Variants in GLI3 observed in about 807,000 individuals in gnomAD.
GLI3 encodes the protein transcription activator GLI3.
In GLI3, 20 loss-of-function variants were observed where a neutral mutation model predicts 100.8. The observed-to-expected ratio is 0.20, with a 90% CI of 0.14 to 0.29. The LOEUF is 0.29. Among genes scored for constraint, GLI3 ranks in the 10% least tolerant of loss-of-function variants. The pLI, the probability that GLI3 is intolerant of heterozygous loss-of-function variation, is 1.00. For missense variants in GLI3, 2,040 were observed against 2,128.5 expected, an observed-to-expected ratio of 0.96 and a Z score of 0.82; for synonymous variants, 938 against 860.5, an observed-to-expected ratio of 1.09 and a Z score of -1.58.
chr7:42,198,526 A>C (rs964268499), intron 2 of GLI3, among the ~76,000 whole-genome samples: 3 of 152,016 alleles, frequency 2.0e-5, no homozygotes, highest in African/African-American at 4.8e-5. Flanking sequence ...GGACTGCATG[A>C]CTGTACTCAC....
intron 3 of GLI3, among the ~76,000 whole-genome samples, chr7:42,088,534 C>T (rs533586512): frequency 8.5e-4 from 130 of 152,320 alleles, no homozygotes; most frequent in African/African-American, 3.0e-3. Flanking sequence ...TATGGTAATG[C>T]CTTGGATGTC....
intron 2 of GLI3, 52 bp from the exon 3 acceptor site, chr7:42,148,520 TA>T: frequency 1.3e-6 from 2 of 1,533,376 alleles, no homozygotes; most frequent in Non-Finnish European, 1.8e-6. Context: ...AAGGAGCAAT[TA>T]AAAAACCATG....
chr7:42,018,447 T>G (rs1478354054), intron 10 of GLI3, among the ~76,000 whole-genome samples: 1 of 152,192 alleles, frequency 6.6e-6, no homozygotes, highest in African/African-American at 2.4e-5. Context: ...AATGCAACTT[T>G]AGCAAAGGGA....
chr7:42,195,661 T>C (rs1483392522), intron 2 of GLI3, among the ~76,000 whole-genome samples: 2 of 152,208 alleles, frequency 1.3e-5, no homozygotes, highest in East Asian at 1.9e-4. Context: ...TTTATTAGTA[T>C]AGCTTATTTA....
chr7:42,234,571 A>G (rs749684096), intron 1 of GLI3, among the ~76,000 whole-genome samples: 13 of 152,346 alleles, frequency 8.5e-5, no homozygotes, highest in Middle Eastern at 6.8e-3. Context: ...TAGATATACA[A>G]TAGAAATGTG....
At chr7:42,094,970 T>C (rs1367263440) in intron 3 of GLI3, among the ~76,000 whole-genome samples, 1 of 151,944 alleles carries the variant, frequency 6.6e-6, no homozygotes, top group African/African-American at 2.4e-5. Flanking sequence ...GAGGACTAGG[T>C]AGGGGAAGGA....
intron 3 of GLI3, among the ~76,000 whole-genome samples, chr7:42,112,889 A>AG (rs1334846360): frequency 6.6e-6 from 1 of 152,038 alleles, no homozygotes; most frequent in African/African-American, 2.4e-5. Flanking sequence ...ATAAATAAAT[A>AG]GGGCCGGGTG....
intron 10 of GLI3, among the ~76,000 whole-genome samples, chr7:42,018,005 A>C (rs1788817704): frequency 6.6e-6 from 1 of 152,206 alleles, no homozygotes; most frequent in Admixed American, 6.5e-5. Context: ...AATGGTTCTA[A>C]GGAGGTCATC....
At chr7:42,056,503 G>T (rs2128745366) in intron 4 of GLI3, among the ~76,000 whole-genome samples, 1 of 152,284 alleles carries the variant, frequency 6.6e-6, no homozygotes, top group South Asian at 2.1e-4. Context: ...AAAGGTGAGG[G>T]CTAGAATATT....
chr7:42,163,553 C>T (rs368855203), intron 2 of GLI3, among the ~76,000 whole-genome samples: 4 of 151,932 alleles, frequency 2.6e-5, no homozygotes, highest in South Asian at 4.2e-4. Flanking sequence ...CTCAGCCTCC[C>T]GAGTAGCTGG....
chr7:42,055,937 T>C (rs1003225405), intron 4 of GLI3, among the ~76,000 whole-genome samples: 1 of 152,102 alleles, frequency 6.6e-6, no homozygotes, highest in African/African-American at 2.4e-5. Context: ...GGGGGGAACA[T>C]GTGGGAGGTG....
intron 1 of GLI3, among the ~76,000 whole-genome samples, chr7:42,255,584 T>A (rs150619952): frequency 4.6e-5 from 7 of 152,324 alleles, no homozygotes; most frequent in African/African-American, 1.4e-4. Context: ...CATAGTCTTT[T>A]ACATCTGGCT....
chr7:41,969,583 T>A (rs1464404586), intron 13 of GLI3, among the ~76,000 whole-genome samples: 1 of 152,148 alleles, frequency 6.6e-6, no homozygotes, highest in Non-Finnish European at 1.5e-5. Flanking sequence ...CTCAGCAGAG[T>A]GCTGGAGTGC....
intron 3 of GLI3, among the ~76,000 whole-genome samples, chr7:42,106,660 G>A (rs1318457400): frequency 2.6e-5 from 4 of 152,248 alleles, no homozygotes; most frequent in South Asian, 4.1e-4. Context: ...AAGGATTGAA[G>A]TGATGAATGT....
At chr7:41,983,290 G>GA (rs1423732125) in intron 10 of GLI3, among the ~76,000 whole-genome samples, 1 of 152,136 alleles carries the variant, frequency 6.6e-6, no homozygotes, top group Non-Finnish European at 1.5e-5. Flanking sequence ...AGGAAGGACT[G>GA]AAAATCAGGA....
chr7:42,060,379 T>C (rs1255602766), intron 4 of GLI3, among the ~76,000 whole-genome samples: 1 of 152,204 alleles, frequency 6.6e-6, no homozygotes, highest in Non-Finnish European at 1.5e-5. Context: ...ACCCATCTCA[T>C]GTTTTCTCCT....
chr7:42,056,914 G>A (rs1047040836), intron 4 of GLI3, among the ~76,000 whole-genome samples: 4 of 151,220 alleles, frequency 2.6e-5, no homozygotes, highest in Non-Finnish European at 4.4e-5. Flanking sequence ...CCCAGGAGGC[G>A]GAGGTTGTGG....
chr7:42,235,371 T>C (rs1788769265), intron 1 of GLI3, among the ~76,000 whole-genome samples: 1 of 152,146 alleles, frequency 6.6e-6, no homozygotes, highest in Non-Finnish European at 1.5e-5. Context: ...ATGGGGAGGA[T>C]GAATGGTTCC....
intron 1 of GLI3, among the ~76,000 whole-genome samples, chr7:42,262,267 T>C (rs1292025445): frequency 6.7e-6 from 1 of 148,784 alleles, no homozygotes; most frequent in African/African-American, 2.5e-5. Flanking sequence ...CTCCCTCCCT[T>C]CCTTCTTTCT....
Sources: gnomAD v4.1 joint callset for allele counts (sites outside exome capture counted in the v4.1 genomes callset) on GRCh38, gnomAD v4.1.1 for gene constraint, MANE v1.5 for transcripts, NCBI Gene and HGNC (gene_info 2026-07-23, HGNC 2026-07-21) for gene names.